RBFOX1: variants seen among roughly 807,000 people sequenced by gnomAD.
The protein encoded by RBFOX1 is RNA binding fox-1 homolog 1.
A neutral mutation model predicts 57.7 loss-of-function variants in RBFOX1; 8 were observed. The ratio of observed to expected loss-of-function variants is 0.14; its 90% CI spans 0.08 to 0.25. The LOEUF (loss-of-function observed/expected upper bound fraction) is 0.25, where lower values mean the gene tolerates loss of function less well. RBFOX1 is among the 10% of genes least tolerant of loss of function. The pLI, the probability that RBFOX1 is intolerant of heterozygous loss-of-function variation, is 1.00. For missense variants in RBFOX1, 611 were observed against 548.5 expected (o/e 1.11, Z -1.14); for synonymous variants, 326 against 222.4 (o/e 1.47, Z -4.15).
chr16:6,353,890 G>A (rs568630059), intron 2 of RBFOX1, among the ~76,000 whole-genome samples: 1 of 152,220 alleles, frequency 6.6e-6, no homozygotes, highest in East Asian at 1.9e-4. Flanking sequence ...TGAAGAACTT[G>A]TTCATGTCTT....
At chr16:7,335,614 G>A (rs1452781099) in intron 4 of RBFOX1, among the ~76,000 whole-genome samples, 3 of 140,876 alleles carry the variant, frequency 2.1e-5, no homozygotes, top group Admixed American at 7.1e-5. Flanking sequence ...AAAAAACCAA[G>A]TGATTTACCA....
chr16:5,578,401 G>A (rs2046542034), intron 2 of RBFOX1, among the ~76,000 whole-genome samples: 1 of 152,184 alleles, frequency 6.6e-6, no homozygotes, highest in Admixed American at 6.5e-5. Flanking sequence ...GAAAGGAGAG[G>A]TTTGTTCCAG....
intron 1 of RBFOX1, among the ~76,000 whole-genome samples, chr16:5,439,416 T>C (rs939657944): frequency 1.6e-4 from 25 of 152,230 alleles, no homozygotes; most frequent in Admixed American, 4.6e-4. Context: ...AAACGCATCA[T>C]GGGGAATGAA....
At chr16:6,519,689 G>A (rs11639973) in intron 2 of RBFOX1, among the ~76,000 whole-genome samples, 79,498 of 151,980 alleles carry the variant, frequency 0.52, 24,558 homozygotes, top group East Asian at 0.76. Context: ...TGACAAGAAT[G>A]GAACTCTGTC....
At chr16:6,972,269 C>T (rs12446386) in intron 3 of RBFOX1, among the ~76,000 whole-genome samples, 2 of 151,970 alleles carry the variant, frequency 1.3e-5, no homozygotes, top group Non-Finnish European at 2.9e-5. Flanking sequence ...CTCCCCAGCC[C>T]CTGGTAACTG....
chr16:6,340,057 G>A (rs530192675), intron 2 of RBFOX1, among the ~76,000 whole-genome samples: 224 of 151,828 alleles, frequency 1.5e-3, no homozygotes, highest in African/African-American at 5.1e-3. Flanking sequence ...GGATGCAAAA[G>A]GTTGGTATCT....
chr16:6,802,416 C>T (rs1039890597), intron 3 of RBFOX1, among the ~76,000 whole-genome samples: 2 of 152,120 alleles, frequency 1.3e-5, no homozygotes, highest in Non-Finnish European at 2.9e-5. Context: ...GTGGCTCATG[C>T]CTATAATTCC....
At chr16:7,504,613 C>A (rs1191750083) in intron 4 of RBFOX1, among the ~76,000 whole-genome samples, 1 of 146,972 alleles carries the variant, frequency 6.8e-6, no homozygotes, top group African/African-American at 2.6e-5. Context: ...TCTGGATTTG[C>A]ACTTATTCAC....
chr16:6,435,905 A>G (rs1486916785), intron 2 of RBFOX1, among the ~76,000 whole-genome samples: 2 of 152,156 alleles, frequency 1.3e-5, no homozygotes, highest in African/African-American at 4.8e-5. Flanking sequence ...TGTGACACAC[A>G]CCATGACTTC....
intron 3 of RBFOX1, among the ~76,000 whole-genome samples, chr16:5,779,206 G>A (rs1372162500): frequency 6.6e-6 from 1 of 152,072 alleles, no homozygotes; most frequent in Non-Finnish European, 1.5e-5. Context: ...CCCTCACGTC[G>A]TGTGCAGACC....
chr16:6,193,479 A>G (rs369412958), intron 1 of RBFOX1, among the ~76,000 whole-genome samples: 121 of 143,458 alleles, frequency 8.4e-4, no homozygotes, highest in African/African-American at 2.9e-3. Context: ...CAAGAGTTGG[A>G]TAGACATTAT....
intron 3 of RBFOX1, chr16:7,004,076 A>G (rs1261793650): frequency 7.3e-5 from 11 of 150,426 alleles, no homozygotes; most frequent in Non-Finnish European, 2.9e-5. Context: ...TCTCTGTATC[A>G]TTCTAGTTTT....
At chr16:6,718,764 G>C (rs1055588124) in intron 3 of RBFOX1, among the ~76,000 whole-genome samples, 1 of 152,134 alleles carries the variant, frequency 6.6e-6, no homozygotes, top group Non-Finnish European at 1.5e-5. Context: ...AATCCCAAAT[G>C]AGTTAAACTC....
intron 4 of RBFOX1, among the ~76,000 whole-genome samples, chr16:7,362,078 G>T (rs2097334775): frequency 6.7e-6 from 1 of 148,500 alleles, no homozygotes; most frequent in African/African-American, 2.5e-5. Context: ...CGTGTTTTTT[G>T]GTGTTAGTTT....
At chr16:7,665,870 C>G (rs1020888879) in intron 13 of RBFOX1, among the ~76,000 whole-genome samples, 1 of 152,088 alleles carries the variant, frequency 6.6e-6, no homozygotes, top group Non-Finnish European at 1.5e-5. Flanking sequence ...ATGAATAAGG[C>G]ACTGATTATT....
At chr16:7,343,143 C>A (rs2096929854) in intron 4 of RBFOX1, among the ~76,000 whole-genome samples, 2 of 152,124 alleles carry the variant, frequency 1.3e-5, no homozygotes, top group Non-Finnish European at 1.5e-5. Context: ...CTCTGGCACA[C>A]CGTGGGCGCT....
At chr16:7,705,394 A>G (rs1244428703) in intron 14 of RBFOX1, among the ~76,000 whole-genome samples, 4 of 152,076 alleles carry the variant, frequency 2.6e-5, no homozygotes, top group Non-Finnish European at 5.9e-5. Context: ...AGTCCCAGCT[A>G]TTCGGGAGGC....
intron 9 of RBFOX1, among the ~76,000 whole-genome samples, chr16:7,604,280 A>C (rs1056463426): frequency 1.3e-5 from 2 of 152,194 alleles, no homozygotes; most frequent in Non-Finnish European, 2.9e-5. Flanking sequence ...TTGGTCTCCA[A>C]CAGTGGGAGT....
chr16:7,503,445 A>T (rs1311507853), intron 4 of RBFOX1, among the ~76,000 whole-genome samples: 5 of 152,186 alleles, frequency 3.3e-5, no homozygotes, highest in African/African-American at 1.2e-4. Flanking sequence ...ATTATCTCAA[A>T]TTATATCTGT....
Sources: gnomAD v4.1 joint callset for allele counts (sites outside exome capture counted in the v4.1 genomes callset) on GRCh38, gnomAD v4.1.1 for gene constraint, MANE v1.5 for transcripts, NCBI Gene and HGNC (gene_info 2026-07-23, HGNC 2026-07-21) for gene names.